The following ACER3 variants were observed in gnomAD, a reference collection of about 807,000 sequenced individuals.
ACER3 encodes alkCDase 3.
Under a neutral mutation model 48.9 loss-of-function variants are expected in ACER3, and 16 were observed. The observed-to-expected ratio is 0.33, with a 90% CI of 0.22 to 0.50. The LOEUF (loss-of-function observed/expected upper bound fraction) is 0.50, where lower values mean the gene tolerates loss of function less well. Ranked by LOEUF, ACER3 falls within the 20% of genes least tolerant of loss-of-function variation. The pLI is 0.98. For synonymous variants in ACER3, 109 were observed against 107.8 expected (o/e 1.01, Z -0.07); for missense variants, 227 against 326.0 (o/e 0.70, Z 2.34).
At chr11:77,006,408 A>G (rs1555021046) in intron 7 of ACER3, among the ~76,000 whole-genome samples, 2 of 152,094 alleles carry the variant, frequency 1.3e-5, no homozygotes, top group African/African-American at 2.4e-5. Flanking sequence ...GTCCTCCCAC[A>G]TTTATACTCA....
intron 1 of ACER3, among the ~76,000 whole-genome samples, chr11:76,912,491 C>G (rs979115851): frequency 6.6e-6 from 1 of 152,058 alleles, no homozygotes; most frequent in Non-Finnish European, 1.5e-5. Flanking sequence ...ACATAACTAT[C>G]TGCCAATAAG....
intron 1 of ACER3, among the ~76,000 whole-genome samples, chr11:76,900,448 C>T (rs911301745): frequency 6.6e-6 from 1 of 152,084 alleles, no homozygotes; most frequent in African/African-American, 2.4e-5. Context: ...AGTACTTTTC[C>T]ACTATTTGCT....
At chr11:76,914,710 G>A (rs1554999137) in intron 1 of ACER3, among the ~76,000 whole-genome samples, 1 of 152,184 alleles carries the variant, frequency 6.6e-6, no homozygotes, top group Non-Finnish European at 1.5e-5. Context: ...ATACTCAAAG[G>A]ATTATAAATC....
chr11:77,005,419 A>C (rs1452966376), intron 7 of ACER3, among the ~76,000 whole-genome samples: 1 of 152,124 alleles, frequency 6.6e-6, no homozygotes, highest in African/African-American at 2.4e-5. Flanking sequence ...AAACTACAGA[A>C]AACTTACCTC....
At chr11:76,894,083 GAGTTCAAGACC>G (rs1379464193) in intron 1 of ACER3, among the ~76,000 whole-genome samples, 2 of 152,124 alleles carry the variant, frequency 1.3e-5, no homozygotes, top group African/African-American at 4.8e-5. Flanking sequence ...TTGAGCCCAA[GAGTTCAAGACC>G]AGTTCAAGAC....
chr11:76,865,121 G>A (rs974772274), intron 1 of ACER3, among the ~76,000 whole-genome samples: 1 of 146,718 alleles, frequency 6.8e-6, no homozygotes, highest in Non-Finnish European at 1.5e-5. Context: ...ACAGGCGTGT[G>A]CCACCATGCC....
chr11:76,989,129 T>C (rs1948745333), intron 5 of ACER3, among the ~76,000 whole-genome samples: 1 of 152,106 alleles, frequency 6.6e-6, no homozygotes, highest in African/African-American at 2.4e-5. Context: ...GAAATTAGTA[T>C]TTTGAAATAA....
intron 7 of ACER3, 58 bp from the exon 8 acceptor site, chr11:77,014,958 C>A: frequency 9.6e-7 from 1 of 1,036,654 alleles, no homozygotes; most frequent in Non-Finnish European, 1.5e-6. Flanking sequence ...GCTTCAATTT[C>A]TGATCGTGAC....
At position 76,993,476 on chromosome 11, in the gene ACER3, A is replaced by G. The variant is rs80326619; in HGVS notation, c.438+2902A>G. On this transcript the variant is annotated intron_variant, in intron 6 of 10. Transcript: ENST00000532485. ...GACTTGTAAAAATTAATTGCAGTATATAAGTCTTGCGATAAATATGTAAAA... is the reference window on the plus strand; with the variant it reads ...GACTTGTAAAAATTAATTGCAGTATGTAAGTCTTGCGATAAATATGTAAAA... Among the ~76,000 whole-genome samples, 595 of 152,358 alleles carry G rather than the reference A, an allele frequency of 3.9e-3. 3 individuals carry two copies. Among genetic ancestry groups the G allele is most frequent in the Non-Finnish European group, 6.6e-3 (451 of 68,030 alleles).
intron 1 of ACER3, among the ~76,000 whole-genome samples, chr11:76,887,881 C>T (rs4945116): frequency 0.6 from 88,124 of 146,946 alleles, 28,632 homozygotes; most frequent in Non-Finnish European, 0.74. Flanking sequence ...TGCAGTTGCA[C>T]GATCACAGTT....
intron 1 of ACER3, among the ~76,000 whole-genome samples, chr11:76,873,877 A>T (rs573593538): frequency 6.6e-6 from 1 of 152,336 alleles, no homozygotes; most frequent in South Asian, 2.1e-4. Context: ...CATTTAAATG[A>T]AAGTCTTGTC....
intron 1 of ACER3, among the ~76,000 whole-genome samples, chr11:76,898,477 G>GACT (rs1945991063): frequency 6.6e-6 from 1 of 152,178 alleles, no homozygotes; most frequent in South Asian, 2.1e-4. Flanking sequence ...GAATAGCTGG[G>GACT]ACTACAGGTG....
At chr11:76,945,566 G>C (rs919618329) in intron 2 of ACER3, among the ~76,000 whole-genome samples, 1 of 152,094 alleles carries the variant, frequency 6.6e-6, no homozygotes, top group African/African-American at 2.4e-5. Context: ...TTGGACACCC[G>C]CTGAGCCAGT....
Position 76,927,643 on chromosome 11 carries a change from T to C in ACER3, c.214+976T>C, listed in dbSNP as rs1946867301. ...CCCCACAACAGGCCCTGGTGGGTGA[T>C]GTTCCCCACCCTGTGTCCAAGTGTT... is the stretch of plus-strand genomic sequence containing the variant. On this transcript the variant is annotated intron_variant, in intron 2 of 10. Coordinates refer to ENST00000532485, the MANE Select transcript of ACER3 (RefSeq NM_018367.7). Among the ~76,000 whole-genome samples, 9 of 151,862 alleles carry C rather than the reference T, an allele frequency of 5.9e-5. No homozygotes were observed. In the South Asian group the frequency reaches 1.9e-3, roughly 32 times the overall value.
At chr11:76,876,782 T>C (rs939575703) in intron 1 of ACER3, among the ~76,000 whole-genome samples, 1 of 152,198 alleles carries the variant, frequency 6.6e-6, no homozygotes. Context: ...TTAACTCTTG[T>C]CTTCTTTCGT....
intron 1 of ACER3, among the ~76,000 whole-genome samples, chr11:76,914,378 G>T (rs1946467098): frequency 6.6e-6 from 1 of 152,068 alleles, no homozygotes; most frequent in Admixed American, 6.6e-5. Flanking sequence ...TCAAAAAGTG[G>T]GCGAAGGATA....
chr11:76,877,968 T>C (rs1945429166), intron 1 of ACER3, among the ~76,000 whole-genome samples: 1 of 152,096 alleles, frequency 6.6e-6, no homozygotes, highest in South Asian at 2.1e-4. Context: ...ATTAGTATCA[T>C]TCATGCTCCT....
At chr11:77,001,697 G>T (rs1330461257) in intron 7 of ACER3, among the ~76,000 whole-genome samples, 1 of 152,164 alleles carries the variant, frequency 6.6e-6, no homozygotes, top group Non-Finnish European at 1.5e-5. Context: ...AGTGACAGCA[G>T]ATCTCCTTGC....
intron 6 of ACER3, among the ~76,000 whole-genome samples, chr11:76,997,917 A>T (rs1948948938): frequency 6.6e-6 from 1 of 152,228 alleles, no homozygotes; most frequent in Non-Finnish European, 1.5e-5. Context: ...TTACTTAGGA[A>T]TGCATTTGTA....
Sources: gnomAD v4.1 joint callset for allele counts (sites outside exome capture counted in the v4.1 genomes callset) on GRCh38, gnomAD v4.1.1 for gene constraint, MANE v1.5 for transcripts, NCBI Gene and HGNC (gene_info 2026-07-23, HGNC 2026-07-21) for gene names.